Variants in MS4A4A observed in about 807,000 individuals in gnomAD.
MS4A4A encodes the protein membrane-spanning 4-domains subfamily A member 4A.
A neutral mutation model predicts 28.0 loss-of-function variants in MS4A4A; 26 were observed. The ratio of observed to expected loss-of-function variants is 0.93; its 90% CI spans 0.68 to 1.29. The LOEUF is 1.29. MS4A4A is among the 50% of genes most tolerant of loss of function. The pLI is 0.00. For synonymous variants in MS4A4A, 86 were observed against 100.8 expected (o/e 0.85, Z 0.88); for missense variants, 290 against 293.1 (o/e 0.99, Z 0.08).
chr11:60,282,605 A>G (rs1031043457), intron 1 of MS4A4A: 16 of 1,284,756 alleles, frequency 1.2e-5, no homozygotes, highest in Non-Finnish European at 1.6e-5. Flanking sequence ...TGGTCACAAG[A>G]GGGGTGGAAC....
intron 2 of MS4A4A, among the ~76,000 whole-genome samples, chr11:60,292,622 C>T (rs950841683): frequency 2.6e-5 from 4 of 152,146 alleles, no homozygotes; most frequent in Admixed American, 2.6e-4. Flanking sequence ...TGTGGGTCAT[C>T]CATGATAATT....
At chr11:60,294,062 T>A (rs1590755527) in intron 2 of MS4A4A, among the ~76,000 whole-genome samples, 1 of 152,244 alleles carries the variant, frequency 6.6e-6, no homozygotes, top group East Asian at 1.9e-4. Flanking sequence ...CTTGTCACTT[T>A]GAAGATTTCA....
intron 1 of MS4A4A, among the ~76,000 whole-genome samples, chr11:60,286,513 T>G (rs1335751893): frequency 6.6e-6 from 1 of 152,254 alleles, no homozygotes; most frequent in Non-Finnish European, 1.5e-5. Flanking sequence ...TCACAATTTA[T>G]GTTCTTCAGC....
At chr11:60,300,585 C>T (rs1197837851) in intron 3 of MS4A4A, among the ~76,000 whole-genome samples, 1 of 129,684 alleles carries the variant, frequency 7.7e-6, no homozygotes, top group Non-Finnish European at 1.5e-5. Context: ...CACTGCACTC[C>T]AGCCTGGGCG....
intron 1 of MS4A4A, among the ~76,000 whole-genome samples, chr11:60,291,673 C>T (rs2084857042): frequency 6.6e-6 from 1 of 151,686 alleles, no homozygotes; most frequent in African/African-American, 2.4e-5. Context: ...TGGCACGCGC[C>T]TGTAGTAACA....
chr11:60,295,244 G>A (rs1458585597), intron 2 of MS4A4A, among the ~76,000 whole-genome samples: 5 of 151,800 alleles, frequency 3.3e-5, no homozygotes, highest in Non-Finnish European at 7.4e-5. Context: ...TATTTTTAGA[G>A]GTGCTAATTT....
chr11:60,291,293 G>C (rs192201781), intron 1 of MS4A4A, among the ~76,000 whole-genome samples: 1 of 152,276 alleles, frequency 6.6e-6, no homozygotes, highest in Admixed American at 6.5e-5. Flanking sequence ...GTGGTGCCAA[G>C]AATATGACTG....
Position 60,297,314 on chromosome 11 carries a change from G to A in MS4A4A, c.319G>A (p.Gly107Arg), listed in dbSNP as rs766339169. The A allele has an allele frequency of 6.2e-7, 1 of 1,613,294 alleles. No individual in the cohort carries two copies. The highest frequency in any genetic ancestry group is 1.7e-5 in the Admixed American group (1 of 60,000). The change falls in exon 3 of 7, where the codon GGG (glycine) becomes AGG (arginine). Residue 107 changes from glycine to arginine, a missense_variant. Physicochemically the swap from Gly to Arg is moderately radical, Grantham distance 125. Coordinates refer to ENST00000337908, the MANE Select transcript of MS4A4A (RefSeq NM_148975.3). ...ISVYIGYTIW[G>R]SVMFIISGSL... ...CGTGTATATCGGGTACACAATTTGG[G>A]GGTCAGTAATGGTGAGTAGAGTATC...
chr11:60,286,921 G>C (rs536280418), intron 1 of MS4A4A, among the ~76,000 whole-genome samples: 6 of 152,202 alleles, frequency 3.9e-5, no homozygotes, highest in African/African-American at 7.2e-5. Flanking sequence ...TATTATTTTG[G>C]GGGGGTTTGT....
intron 4 of MS4A4A, among the ~76,000 whole-genome samples, chr11:60,301,687 C>A (rs1011893874): frequency 2.0e-5 from 3 of 152,184 alleles, no homozygotes; most frequent in African/African-American, 7.2e-5. Flanking sequence ...ACCCAACTCC[C>A]TAGTGTCCCC....
At chr11:60,308,023 A>G in intron 6 of MS4A4A, 84 bp from the exon 7 acceptor site, 1 of 1,181,868 alleles carries the variant, frequency 8.5e-7, no homozygotes, top group Non-Finnish European at 1.3e-6. Flanking sequence ...GTAAACTCTG[A>G]TAATGATGAC....
intron 2 of MS4A4A, among the ~76,000 whole-genome samples, chr11:60,295,923 C>T (rs1287631523): frequency 6.6e-6 from 1 of 152,050 alleles, no homozygotes; most frequent in Non-Finnish European, 1.5e-5. Context: ...CATATTTGTT[C>T]ATCAGAGATG....
At chr11:60,289,574 AGTGTGTGTGTGTGTGTGTGTATGT>A (rs1399415397) in intron 1 of MS4A4A, among the ~76,000 whole-genome samples, 7 of 131,074 alleles carry the variant, frequency 5.3e-5, no homozygotes, top group African/African-American at 8.5e-5. Context: ...TGTTTTGGGG[AGTGTGTGTGTGTGTGTGTGTATGT>A]GTGTGTGTGT....
In MS4A4A at chr11:60,297,218, C is replaced by G. The variant is rs776737935; in HGVS notation, c.223C>G (p.Leu75Val). The change falls in exon 3 of 7, where the codon CTG (leucine) becomes GTG (valine). Residue 75 changes from leucine (L) to valine (V), a missense_variant. By Grantham distance (32) the Leu-to-Val change is conservative. Transcript: ENST00000337908. ...VLGVVQILTALMSLSMGITMM... is the reference protein window; with the variant it reads ...VLGVVQILTAVMSLSMGITMM... Reference sequence around the variant, plus strand: ...TTAGGTTGTGCAGATTCTGACTGCCCTGATGAGCCTTAGCATGGGAATAAC... The same window carrying G: ...TTAGGTTGTGCAGATTCTGACTGCCGTGATGAGCCTTAGCATGGGAATAAC... 1.2e-6 allele frequency: 2 copies of G among 1,613,416 alleles called. No homozygotes were observed. The highest frequency in any genetic ancestry group is 2.2e-5 in the South Asian group (2 of 91,060).
intron 1 of MS4A4A, among the ~76,000 whole-genome samples, chr11:60,284,824 A>G (rs890228752): frequency 3.9e-5 from 6 of 152,182 alleles, no homozygotes; most frequent in Admixed American, 2.6e-4. Flanking sequence ...AGCAGGCCTT[A>G]TTTTTTGTCT....
intron 6 of MS4A4A, among the ~76,000 whole-genome samples, chr11:60,306,545 C>T (rs958822368): frequency 6.6e-6 from 1 of 152,176 alleles, no homozygotes; most frequent in South Asian, 2.1e-4. Context: ...TTCACATGAA[C>T]GGATGAGGTC....
chr11:60,290,970 G>A (rs1331861622), intron 1 of MS4A4A, among the ~76,000 whole-genome samples: 1 of 151,942 alleles, frequency 6.6e-6, no homozygotes, highest in Admixed American at 6.6e-5. Flanking sequence ...ACTTTTATAG[G>A]GGCTCAGTGG....
intron 1 of MS4A4A, 152 bp from the exon 2 acceptor site, chr11:60,292,073 T>C: frequency 1.1e-6 from 1 of 894,904 alleles, no homozygotes; most frequent in Non-Finnish European, 1.5e-6. Context: ...CTTAATGTGT[T>C]GCCTATTCCA....
intron 4 of MS4A4A, among the ~76,000 whole-genome samples, chr11:60,301,363 C>T (rs1282556578): frequency 1.3e-5 from 2 of 152,042 alleles, no homozygotes; most frequent in Non-Finnish European, 2.9e-5. Context: ...TGAGTCAGCC[C>T]ATGATAGTGA....
Sources: allele counts gnomAD v4.1 joint callset (sites outside exome capture counted in the v4.1 genomes callset), GRCh38; gene constraint gnomAD v4.1.1; transcripts MANE v1.5; gene names NCBI Gene and HGNC (gene_info 2026-07-23, HGNC 2026-07-21).